SNX24: variants seen among roughly 807,000 people sequenced by gnomAD.
The protein encoded by SNX24 is sorting nexin-24.
SNX24 carries 22 observed loss-of-function variants against 28.7 expected under a neutral mutation model. That is an observed-to-expected ratio of 0.77 (90% CI 0.55 to 1.10). The LOEUF (loss-of-function observed/expected upper bound fraction) is 1.10. Ranked by LOEUF, SNX24 falls within the 50% of genes least tolerant of loss-of-function variation. SNX24 has a pLI of 0.00. For missense variants in SNX24, 221 were observed against 201.1 expected, an observed-to-expected ratio of 1.10 and a Z score of -0.60; for synonymous variants, 69 against 71.5, an observed-to-expected ratio of 0.96 and a Z score of 0.18.
chr5:123,011,488 C>T (rs530482351), downstream of SNX24, among the ~76,000 whole-genome samples: 420 of 150,308 alleles, frequency 2.8e-3, no homozygotes, highest in Non-Finnish European at 4.1e-3. Context: ...GTTATAAGTT[C>T]CCATTGAAAA....
chr5:122,964,802 T>A (rs1193472000), intron 3 of SNX24, among the ~76,000 whole-genome samples: 1 of 152,228 alleles, frequency 6.6e-6, no homozygotes, highest in Non-Finnish European at 1.5e-5. Flanking sequence ...TTTTCATCCA[T>A]GAATACTTTA....
At chr5:122,850,617 A>T (rs1372488897) in intron 1 of SNX24, among the ~76,000 whole-genome samples, 1 of 152,082 alleles carries the variant, frequency 6.6e-6, no homozygotes, top group Non-Finnish European at 1.5e-5. Flanking sequence ...CAGCAGTGTG[A>T]CTACCGTGGG....
intron 3 of SNX24, among the ~76,000 whole-genome samples, chr5:122,958,748 C>T (rs573932288): frequency 7.6e-4 from 114 of 150,336 alleles, no homozygotes; most frequent in Middle Eastern, 3.5e-3. Flanking sequence ...TTAGTAGAGA[C>T]GGGGTCTTGC....
intron 1 of SNX24, among the ~76,000 whole-genome samples, chr5:122,921,247 C>T (rs1758418754): frequency 6.6e-6 from 1 of 151,970 alleles, no homozygotes. Flanking sequence ...AGCAGCTTGC[C>T]TCTCTGAAAT....
chr5:122,920,909 A>G (rs1758404735), intron 1 of SNX24, among the ~76,000 whole-genome samples: 1 of 152,170 alleles, frequency 6.6e-6, no homozygotes. Context: ...TCTTTTTAGT[A>G]GAGACAGTAT....
intron 1 of SNX24, among the ~76,000 whole-genome samples, chr5:122,935,074 GGTAAT>G (rs1759124756): frequency 6.6e-6 from 1 of 152,130 alleles, no homozygotes; most frequent in Non-Finnish European, 1.5e-5. Flanking sequence ...AGATTCTGTA[GGTAAT>G]GTGCCAGTTA....
intron 1 of SNX24, among the ~76,000 whole-genome samples, chr5:122,915,915 A>C (rs1190408606): frequency 6.6e-6 from 1 of 152,212 alleles, no homozygotes; most frequent in African/African-American, 2.4e-5. Flanking sequence ...CCCAGGCTTC[A>C]GGCCTGTTTC....
At chr5:122,921,457 G>T (rs1437078699) in intron 1 of SNX24, among the ~76,000 whole-genome samples, 1 of 152,112 alleles carries the variant, frequency 6.6e-6, no homozygotes, top group Non-Finnish European at 1.5e-5. Context: ...TATTCAAAAA[G>T]TTTCTTTTAA....
intron 1 of SNX24, among the ~76,000 whole-genome samples, chr5:122,911,407 C>T (rs1490380765): frequency 1.3e-5 from 2 of 152,036 alleles, no homozygotes; most frequent in Non-Finnish European, 1.5e-5. Context: ...AATTTTCTTC[C>T]GTTTTGTAGG....
intron 3 of SNX24, among the ~76,000 whole-genome samples, chr5:122,986,666 G>A (rs1420765608): frequency 1.3e-5 from 2 of 152,100 alleles, no homozygotes; most frequent in Non-Finnish European, 2.9e-5. Flanking sequence ...ATAAGAAAGG[G>A]AAACAGCATC....
intron 1 of SNX24, among the ~76,000 whole-genome samples, chr5:122,872,961 T>C (rs1435048057): frequency 6.6e-6 from 1 of 151,904 alleles, no homozygotes; most frequent in East Asian, 1.9e-4. Context: ...AACCCAGAGG[T>C]TAGTTTTTTG....
At chr5:122,857,981 C>T (rs559207671) in intron 1 of SNX24, among the ~76,000 whole-genome samples, 4 of 152,262 alleles carry the variant, frequency 2.6e-5, no homozygotes, top group African/African-American at 7.2e-5. Context: ...CGGGGTTTCA[C>T]CATGTTGGTC....
chr5:123,006,585 G>A (rs1204548603), intron 6 of SNX24, among the ~76,000 whole-genome samples: 13 of 152,224 alleles, frequency 8.5e-5, no homozygotes. Context: ...AACTCCCTCA[G>A]TAGCTTCCCA....
At chr5:123,004,822 C>G (rs1278926113) in intron 6 of SNX24, among the ~76,000 whole-genome samples, 1 of 152,182 alleles carries the variant, frequency 6.6e-6, no homozygotes, top group African/African-American at 2.4e-5. Flanking sequence ...CATTGAATGC[C>G]ACGGCTTCAG....
chr5:122,863,848 C>T (rs1755596264), intron 1 of SNX24, among the ~76,000 whole-genome samples: 1 of 152,350 alleles, frequency 6.6e-6, no homozygotes. Context: ...AGGCACCGTA[C>T]CTAGCCCATG....
intron 1 of SNX24, among the ~76,000 whole-genome samples, chr5:122,898,069 G>T (rs962650959): frequency 1.3e-5 from 2 of 152,182 alleles, no homozygotes; most frequent in Admixed American, 1.3e-4. Flanking sequence ...TTGTGTGCAT[G>T]TATGTGTGTC....
rs143760584 is a variant in SNX24, at chr5:122,970,116, A to G, written c.249+23957A>G. On this transcript the variant is annotated intron_variant, in intron 3 of 6. Coordinates refer to ENST00000261369, the MANE Select transcript of SNX24 (RefSeq NM_014035.4). ...TACTGCTTTTTTCCTTTCCTCTAAGATCATCATGGCAGTTTTCTCATTTGC... is the reference window on the plus strand; with the variant it reads ...TACTGCTTTTTTCCTTTCCTCTAAGGTCATCATGGCAGTTTTCTCATTTGC... Among the ~76,000 whole-genome samples, 326 of 149,758 alleles carry G rather than the reference A, an allele frequency of 2.2e-3. 1 individual carries two copies. Among genetic ancestry groups the G allele is most frequent in the Middle Eastern group, 3.4e-3 (1 of 294 alleles).
chr5:122,903,964 T>C (rs1464100258), intron 1 of SNX24, among the ~76,000 whole-genome samples: 1 of 152,138 alleles, frequency 6.6e-6, no homozygotes, highest in Non-Finnish European at 1.5e-5. Flanking sequence ...ATAATGCATA[T>C]TAATATTAAA....
rs1255266028 is a variant in SNX24 at position 122,845,687 on chromosome 5, A to G, written c.54A>G (p.Gly18=). The G allele has an allele frequency of 2.8e-6, 4 of 1,412,724 alleles. No homozygotes were observed. The highest frequency in any genetic ancestry group is 3.7e-6 in the Non-Finnish European group (4 of 1,072,964). The allele number at this position is 1,412,724 out of a possible 1,614,324, so 87.5% of individuals were successfully genotyped here. A position where few individuals can be genotyped will look rare whatever the true frequency, so the allele number is the denominator to read the frequency against. ...ATGAAGAGAGCGACCTGGAGCGGGG[A>G]TACACGGTAGGCGCGGGCCGCGGGC... ...FRYEESDLER[G]YTVFKIEVLM... Residue 18 remains glycine, a synonymous_variant, in exon 1 of 7, where the codon GGA becomes GGG. Transcript: ENST00000261369.
Sources: allele counts gnomAD v4.1 joint callset (sites outside exome capture counted in the v4.1 genomes callset), GRCh38; gene constraint gnomAD v4.1.1; transcripts MANE v1.5; gene names NCBI Gene and HGNC (gene_info 2026-07-23, HGNC 2026-07-21).